MAEA: variants seen among roughly 807,000 people sequenced by gnomAD.
MAEA encodes macrophage erythroblast attacher, E3 ubiquitin ligase.
MAEA carries 22 observed loss-of-function variants against 46.2 expected under a neutral mutation model. The ratio of observed to expected loss-of-function variants is 0.48; its 90% confidence interval spans 0.34 to 0.68. The LOEUF (loss-of-function observed/expected upper bound fraction) is 0.68. Ranked by LOEUF, MAEA falls within the 30% of genes least tolerant of loss-of-function variation. The probability of loss-of-function intolerance (pLI) is 0.01; values close to 1 mark genes in which losing one functional copy is unlikely to be tolerated. For missense variants in MAEA, 393 were observed against 558.1 expected (o/e 0.70, Z 2.98); for synonymous variants, 246 against 222.6 (o/e 1.11, Z -0.94).
At chr4:1,298,905 G>A (rs1402903661) in intron 1 of MAEA, among the ~76,000 whole-genome samples, 2 of 152,050 alleles carry the variant, frequency 1.3e-5, no homozygotes, top group Non-Finnish European at 2.9e-5. Flanking sequence ...TTTTAGAGAT[G>A]GGATCTCACT....
At chr4:1,298,226 T>C (rs11729031) in intron 1 of MAEA, 47,208 of 377,986 alleles carry the variant, frequency 0.12, 6,472 homozygotes, top group East Asian at 0.42. Flanking sequence ...TGCTCACTGT[T>C]TCCTTTCTTT....
chr4:1,321,364 C>A (rs1050290283), intron 3 of MAEA, among the ~76,000 whole-genome samples: 1 of 150,194 alleles, frequency 6.7e-6, no homozygotes, highest in African/African-American at 2.5e-5. Flanking sequence ...AACGAGAAAC[C>A]GTTAAAGAAA....
At chr4:1,290,953 C>T (rs2178442) in intron 1 of MAEA, among the ~76,000 whole-genome samples, 23,314 of 152,028 alleles carry the variant, frequency 0.15, 3,418 homozygotes, top group East Asian at 0.42. Flanking sequence ...CGGTTGGTGA[C>T]TGTTTATTCT....
chr4:1,306,334 C>T (rs1363638543), intron 1 of MAEA, among the ~76,000 whole-genome samples: 1 of 152,170 alleles, frequency 6.6e-6, no homozygotes, highest in Non-Finnish European at 1.5e-5. Flanking sequence ...TGTTCCTGTT[C>T]AAACCTTTTC....
At chr4:1,334,940 T>C in intron 6 of MAEA, 2 of 985,288 alleles carry the variant, frequency 2.0e-6, no homozygotes, top group Non-Finnish European at 2.4e-6. Context: ...TGGAGTTAAG[T>C]GTGGTGTTTA....
At position 1,335,635 on chromosome 4, in the gene MAEA, GC is replaced by G. The variant is rs35733129; in HGVS notation, c.766-1221del. The G allele has an allele frequency of 0.021, 19,292 of 907,394 alleles. 5,054 individuals carry two copies. In the African/African-American group the frequency reaches 0.31, roughly 15 times the overall value. The allele number at this position is 907,394 out of a possible 1,614,324, so 56.2% of individuals were successfully genotyped here. On this transcript the variant is annotated intron_variant, in intron 6 of 8. Transcript: ENST00000303400. ...AAACCACAGAGTTAAGTCAGCTCTG[GC>G]CCCCACAGTGTGTTGAAATCACAGA... is the stretch of plus-strand genomic sequence containing the variant.
intron 1 of MAEA, among the ~76,000 whole-genome samples, chr4:1,293,711 C>T (rs949244938): frequency 6.6e-6 from 1 of 152,184 alleles, no homozygotes; most frequent in Non-Finnish European, 1.5e-5. Flanking sequence ...CTGTCCTCTC[C>T]CCAGAGGACA....
In MAEA at chr4:1,339,238, G is replaced by A; in HGVS notation, c.*69G>A. Reference sequence around the variant, plus strand: ...GGCGGGGAGGCCACGCCTTCCTCCTGTCCCACGCTCCAGCCTGCCGCGGCG... The same window carrying A: ...GGCGGGGAGGCCACGCCTTCCTCCTATCCCACGCTCCAGCCTGCCGCGGCG... On this transcript the variant is annotated 3_prime_UTR_variant, in exon 9 of 9. Coordinates refer to ENST00000303400, the MANE Select transcript of MAEA (RefSeq NM_001017405.3). The A allele has an allele frequency of 1.7e-6, 2 of 1,144,142 alleles. No individual in the cohort carries two copies. The highest frequency in any genetic ancestry group is 2.6e-6 in the Non-Finnish European group (2 of 754,750). 70.9% of individuals were successfully genotyped at this position (1,144,142 alleles called of 1,614,324 possible). A position where few individuals can be genotyped will look rare whatever the true frequency, so the allele number is the denominator to read the frequency against.
rs575194884 is a variant in MAEA at position 1,313,308 on chromosome 4, A to G, written c.252+1147A>G. ...CAAGTACAACGTCCAGCACAGAGAC[A>G]GCCTGGGCAACAGTGAGACCCTGTC... On this transcript the variant is annotated intron_variant, in intron 2 of 8. Coordinates refer to ENST00000303400, the MANE Select transcript of MAEA (RefSeq NM_001017405.3). Among the ~76,000 whole-genome samples, 2 of 152,372 alleles carry G rather than the reference A, an allele frequency of 1.3e-5. 1 individual carries two copies. Among genetic ancestry groups the G allele is most frequent in the African/African-American group, 4.8e-5 (2 of 41,596 alleles).
At chr4:1,319,731 C>T (rs1379969805) in intron 3 of MAEA, among the ~76,000 whole-genome samples, 2 of 68,566 alleles carry the variant, frequency 2.9e-5, no homozygotes, top group African/African-American at 1.8e-4. Context: ...GAGAGCGAGA[C>T]CCTGTCTCAA....
chr4:1,332,690 T>C, intron 5 of MAEA, 67 bp from the exon 6 acceptor site: 3 of 1,261,370 alleles, frequency 2.4e-6, no homozygotes, highest in Non-Finnish European at 3.4e-6. Flanking sequence ...GGTGACAGAG[T>C]GAAACCCTGT....
intron 1 of MAEA, chr4:1,310,093 T>A (rs1736300984): frequency 1.1e-6 from 1 of 913,568 alleles, no homozygotes; most frequent in African/African-American, 1.8e-5. Flanking sequence ...CCTGCTCTTG[T>A]GAGGCGCCTG....
intron 5 of MAEA, 164 bp from the exon 6 acceptor site, chr4:1,332,593 T>G (rs1711984165): frequency 5.3e-6 from 3 of 568,670 alleles, no homozygotes; most frequent in Admixed American, 3.0e-5. Flanking sequence ...GCTGCACATC[T>G]GCGGTCTCAG....
chr4:1,301,983 C>T (rs772993522), intron 1 of MAEA, among the ~76,000 whole-genome samples: 1 of 152,250 alleles, frequency 6.6e-6, no homozygotes, highest in Non-Finnish European at 1.5e-5. Flanking sequence ...GGATTACATC[C>T]CACCTCCTTC....
At chr4:1,331,854 T>C (rs1274058785) in intron 5 of MAEA, 2 of 152,672 alleles carry the variant, frequency 1.3e-5, no homozygotes, top group Non-Finnish European at 2.9e-5. Context: ...CTTTGGTTTC[T>C]TGGTTGCCCA....
intron 1 of MAEA, among the ~76,000 whole-genome samples, chr4:1,305,182 C>T (rs761041687): frequency 1.5e-4 from 23 of 151,918 alleles, no homozygotes; most frequent in South Asian, 4.2e-4. Flanking sequence ...TTTCCTCTTG[C>T]GGTTTGCCCA....
Position 1,315,392 on chromosome 4 carries a change from C to T in MAEA, c.253-5C>T, listed in dbSNP as rs775528185. ...CTGAACGTGCCTCTGTTGTGTGTGG[C>T]TCAGGCGGTGGAATCCATCCAGGCC... On this transcript the variant is annotated splice_region_variant and splice_polypyrimidine_tract_variant and intron_variant, in intron 2 of 8. Transcript: ENST00000303400. 1 of 1,613,642 alleles carries T rather than the reference C, an allele frequency of 6.2e-7. No individual in the cohort carries two copies. Among genetic ancestry groups the T allele is most frequent in the Non-Finnish European group, 8.5e-7 (1 of 1,179,836 alleles).
In MAEA at chr4:1,334,077, C is replaced by T. The variant is rs1712355091; in HGVS notation, c.765+1212C>T. 1.2e-4 allele frequency among the ~76,000 whole-genome samples: 2 copies of T among 16,290 alleles called. 1 individual carries two copies. Among genetic ancestry groups the T allele is most frequent in the Non-Finnish European group, 2.4e-4 (2 of 8,222 alleles). 10.7% of individuals were successfully genotyped at this position (16,290 alleles called of 152,430 possible). On this transcript the variant is annotated intron_variant, in intron 6 of 8. Transcript: ENST00000303400. ...CTGCACCCACCCCCATGCCCGTGTGCTCACCCCTGCACCCATCCCATGCCT... is the reference window on the plus strand; with the variant it reads ...CTGCACCCACCCCCATGCCCGTGTGTTCACCCCTGCACCCATCCCATGCCT...
chr4:1,328,792 T>C, intron 5 of MAEA: 1 of 1,102,592 alleles, frequency 9.1e-7, no homozygotes, highest in Non-Finnish European at 1.1e-6. Context: ...CTCCGGCTCC[T>C]GATGCTGACC....
Sources: allele counts gnomAD v4.1 joint callset (sites outside exome capture counted in the v4.1 genomes callset), GRCh38; gene constraint gnomAD v4.1.1; transcripts MANE v1.5; gene names NCBI Gene and HGNC (gene_info 2026-07-23, HGNC 2026-07-21).